Variants in ARB2A observed in about 807,000 individuals in gnomAD.
ARB2A encodes the protein cotranscriptional regulator ARB2A.
chr5:93,961,750 G>A, the ARB2A span, among the ~76,000 whole-genome samples: 1 of 151,876 alleles, frequency 6.6e-6, no homozygotes, highest in Non-Finnish European at 1.5e-5. Flanking sequence ...ATTTTTAAGG[G>A]GCTACAAATT....
chr5:93,729,331 G>T, the ARB2A span, among the ~76,000 whole-genome samples: 1 of 152,016 alleles, frequency 6.6e-6, no homozygotes, highest in Non-Finnish European at 1.5e-5. Flanking sequence ...GTCTAATTCT[G>T]AATCTTTAGT....
At chr5:93,700,165 T>C in the ARB2A span, among the ~76,000 whole-genome samples, 1 of 152,188 alleles carries the variant, frequency 6.6e-6, no homozygotes, top group Non-Finnish European at 1.5e-5. Flanking sequence ...ATAATATTCT[T>C]AGCAGAAAGC....
At chr5:93,672,161 C>T in the ARB2A span, among the ~76,000 whole-genome samples, 5 of 152,122 alleles carry the variant, frequency 3.3e-5, no homozygotes, top group Middle Eastern at 3.2e-3. Context: ...GTCAAACAAT[C>T]CCAAGTCTCT....
chr5:93,997,625 T>C, the ARB2A span, among the ~76,000 whole-genome samples: 1 of 151,980 alleles, frequency 6.6e-6, no homozygotes, highest in Non-Finnish European at 1.5e-5. Flanking sequence ...TTGTAACTCC[T>C]GGAAAAAGTT....
the ARB2A span, among the ~76,000 whole-genome samples, chr5:93,981,401 C>T: frequency 1.3e-5 from 2 of 152,012 alleles, no homozygotes; most frequent in Admixed American, 6.6e-5. Flanking sequence ...ATTTCCTCTG[C>T]TTGATGTAAG....
chr5:94,079,973 A>G, the ARB2A span, among the ~76,000 whole-genome samples: 4 of 152,222 alleles, frequency 2.6e-5, no homozygotes, highest in South Asian at 2.1e-4. Context: ...ACGGGAATAT[A>G]AAATCTTAGA....
At chr5:94,100,667 G>A in the ARB2A span, among the ~76,000 whole-genome samples, 4 of 152,082 alleles carry the variant, frequency 2.6e-5, no homozygotes, top group African/African-American at 7.2e-5. Context: ...TGACAAAGCT[G>A]ACAAAAACAA....
the ARB2A span, among the ~76,000 whole-genome samples, chr5:93,765,150 T>C: frequency 2.0e-5 from 3 of 152,310 alleles, no homozygotes; most frequent in African/African-American, 4.8e-5. Context: ...AGGGATGCCC[T>C]CTCTCACCAC....
At chr5:93,855,565 AC>A in the ARB2A span, among the ~76,000 whole-genome samples, 3 of 152,070 alleles carry the variant, frequency 2.0e-5, no homozygotes, top group Non-Finnish European at 4.4e-5. Flanking sequence ...GATGGTCTTT[AC>A]AATTTGGCAT....
At chr5:94,053,257 A>G in the ARB2A span, 1 of 1,151,882 alleles carries the variant, frequency 8.7e-7, no homozygotes, top group Non-Finnish European at 1.3e-6. Context: ...AAATTTACTT[A>G]TATTCATTTT....
At chr5:94,013,903 C>G in the ARB2A span, among the ~76,000 whole-genome samples, 1 of 152,128 alleles carries the variant, frequency 6.6e-6, no homozygotes, top group Non-Finnish European at 1.5e-5. Context: ...TGTGATGCCT[C>G]TCCCCACATA....
chr5:93,726,118 C>A, the ARB2A span, among the ~76,000 whole-genome samples: 1 of 152,090 alleles, frequency 6.6e-6, no homozygotes, highest in East Asian at 1.9e-4. Flanking sequence ...AATATTGGAT[C>A]TTCCTATGTG....
At chr5:93,932,378 T>C in the ARB2A span, among the ~76,000 whole-genome samples, 1 of 152,342 alleles carries the variant, frequency 6.6e-6, no homozygotes, top group South Asian at 2.1e-4. Flanking sequence ...TGCTCAGATG[T>C]ACTGCACTTA....
At chr5:94,040,222 A>G in the ARB2A span, among the ~76,000 whole-genome samples, 1 of 152,118 alleles carries the variant, frequency 6.6e-6, no homozygotes. Flanking sequence ...GCTAATGGCT[A>G]TGGGTGACAG....
At chr5:93,971,170 T>C in the ARB2A span, among the ~76,000 whole-genome samples, 1 of 152,028 alleles carries the variant, frequency 6.6e-6, no homozygotes. Context: ...AGCTAATCTT[T>C]TGTACTTTTA....
chr5:93,742,095 T>G, the ARB2A span, among the ~76,000 whole-genome samples: 2 of 152,094 alleles, frequency 1.3e-5, no homozygotes, highest in Admixed American at 1.3e-4. Flanking sequence ...CTAAGAAACC[T>G]AGGCAACCCT....
At chr5:93,663,761 TAATTAC>T in the ARB2A span, among the ~76,000 whole-genome samples, 1 of 152,206 alleles carries the variant, frequency 6.6e-6, no homozygotes, top group Admixed American at 6.5e-5. Flanking sequence ...TCCATATAGT[TAATTAC>T]AATTACAAGT....
the ARB2A span, among the ~76,000 whole-genome samples, chr5:94,065,812 A>C: frequency 6.6e-6 from 1 of 152,226 alleles, no homozygotes; most frequent in Admixed American, 6.5e-5. Flanking sequence ...TCAGCATTAG[A>C]CAGATCATCT....
At chr5:93,985,676 C>T in the ARB2A span, among the ~76,000 whole-genome samples, 207 of 152,288 alleles carry the variant, frequency 1.4e-3, no homozygotes, top group Middle Eastern at 0.014. Context: ...CTGCCCGCCT[C>T]GGCCTCCCGA....
Sources: gnomAD v4.1 joint callset for allele counts (sites outside exome capture counted in the v4.1 genomes callset) on GRCh38, gnomAD v4.1.1 for gene constraint, MANE v1.5 for transcripts, NCBI Gene and HGNC (gene_info 2026-07-23, HGNC 2026-07-21) for gene names.